The following RBFOX1 variants were observed in gnomAD, a reference collection of about 807,000 sequenced individuals.
The protein encoded by RBFOX1 is RNA binding fox-1 homolog 1.
Under a neutral mutation model 57.7 loss-of-function variants are expected in RBFOX1, and 8 were observed. The observed-to-expected ratio is 0.14, with a 90% CI of 0.08 to 0.25. RBFOX1 has a LOEUF of 0.25. Ranked by LOEUF, RBFOX1 falls within the 10% of genes least tolerant of loss-of-function variation. The pLI is 1.00. For missense variants in RBFOX1, 611 were observed against 548.5 expected (o/e 1.11, Z -1.14); for synonymous variants, 326 against 222.4 (o/e 1.47, Z -4.15).
chr16:7,076,768 T>A (rs1192072623), intron 4 of RBFOX1, among the ~76,000 whole-genome samples: 4 of 152,202 alleles, frequency 2.6e-5, no homozygotes, highest in African/African-American at 9.7e-5. Flanking sequence ...ATGACCAGTT[T>A]AAACTTCCAT....
intron 4 of RBFOX1, among the ~76,000 whole-genome samples, chr16:7,151,016 C>G (rs936013096): frequency 1.3e-5 from 2 of 152,192 alleles, no homozygotes; most frequent in African/African-American, 4.8e-5. Context: ...CAGATACGCT[C>G]CTTTCCAAAA....
chr16:5,289,022 G>T (rs780295425), intron 1 of RBFOX1, among the ~76,000 whole-genome samples: 12 of 152,334 alleles, frequency 7.9e-5, no homozygotes, highest in African/African-American at 2.6e-4. Context: ...CTACTCGGGA[G>T]GCTGAGGCAG....
chr16:7,346,338 G>T (rs1180587062), intron 4 of RBFOX1, among the ~76,000 whole-genome samples: 1 of 151,896 alleles, frequency 6.6e-6, no homozygotes, highest in Non-Finnish European at 1.5e-5. Context: ...TGGCAGAGGA[G>T]CATTCTACCC....
In RBFOX1 at chr16:7,052,088, A is replaced by C; in HGVS notation, c.17A>C (p.Glu6Ala). MNCER[E>A]QLRGNQEAAA... ...AGACAACAGATGAATTGTGAAAGAG[A>C]GCAGCTAAGGGTAGGTGCACCTGCT... The change falls in exon 4 of 16, where the codon GAG becomes GCG. Residue 6 changes from glutamate to alanine, a missense_variant. Glu to Ala is a moderately radical substitution (Grantham distance 107). Around this residue, in one of 3 missense-constraint regions of RBFOX1, gnomAD observed 245 missense variants for 159.1 expected, o/e 1.54. Transcript: ENST00000550418. 6.2e-7 allele frequency: 1 copy of C among 1,611,296 alleles called. No homozygotes were observed.
chr16:6,427,927 AG>A (rs1161459885), intron 2 of RBFOX1, among the ~76,000 whole-genome samples: 14 of 152,184 alleles, frequency 9.2e-5, no homozygotes, highest in Admixed American at 7.2e-4. Context: ...TGGAATAATA[AG>A]GATAATTTAT....
intron 2 of RBFOX1, among the ~76,000 whole-genome samples, chr16:6,554,015 A>C (rs1567660071): frequency 2.0e-5 from 3 of 151,210 alleles, no homozygotes; most frequent in Non-Finnish European, 4.4e-5. Context: ...TTAGGGATGA[A>C]TAAATGTGTT....
chr16:7,252,475 C>T (rs748276383), intron 4 of RBFOX1, among the ~76,000 whole-genome samples: 1 of 152,182 alleles, frequency 6.6e-6, no homozygotes, highest in Non-Finnish European at 1.5e-5. Flanking sequence ...TCATCGTCAG[C>T]ACTGAAGTAT....
intron 4 of RBFOX1, among the ~76,000 whole-genome samples, chr16:7,346,124 A>G (rs867186319): frequency 1.3e-5 from 2 of 152,152 alleles, no homozygotes; most frequent in African/African-American, 4.8e-5. Flanking sequence ...GATGGTTTCT[A>G]GCTTCATCCG....
intron 1 of RBFOX1, among the ~76,000 whole-genome samples, chr16:6,065,999 C>A (rs2095756216): frequency 6.6e-6 from 1 of 152,144 alleles, no homozygotes; most frequent in Non-Finnish European, 1.5e-5. Context: ...GACTTCAACA[C>A]TTTAATGGTA....
chr16:5,938,278 C>T (rs1351007934), intron 4 of RBFOX1, among the ~76,000 whole-genome samples: 1 of 152,166 alleles, frequency 6.6e-6, no homozygotes, highest in Non-Finnish European at 1.5e-5. Flanking sequence ...CTAACTGTCC[C>T]ATGACCTGAG....
intron 2 of RBFOX1, among the ~76,000 whole-genome samples, chr16:6,493,575 G>A (rs759819245): frequency 1.1e-4 from 17 of 152,090 alleles, no homozygotes; most frequent in African/African-American, 3.4e-4. Context: ...ATTTTGTGCC[G>A]AATTTCCCAC....
intron 1 of RBFOX1, among the ~76,000 whole-genome samples, chr16:6,223,163 G>A (rs1382923535): frequency 1.3e-5 from 2 of 150,678 alleles, no homozygotes; most frequent in Admixed American, 6.7e-5. Context: ...ATAAACATAC[G>A]TGTGCATGTG....
intron 3 of RBFOX1, among the ~76,000 whole-genome samples, chr16:6,979,080 C>T (rs2087907909): frequency 6.6e-6 from 1 of 152,136 alleles, no homozygotes; most frequent in Non-Finnish European, 1.5e-5. Context: ...TATAAAATAG[C>T]ACCAATATGT....
intron 5 of RBFOX1, among the ~76,000 whole-genome samples, chr16:7,571,921 GA>G (rs1260807231): frequency 2.0e-5 from 3 of 152,186 alleles, no homozygotes; most frequent in African/African-American, 7.2e-5. Flanking sequence ...CTGAGGTCAG[GA>G]GTTTGAGACC....
chr16:6,029,605 C>G (rs1022457304), intron 1 of RBFOX1, among the ~76,000 whole-genome samples: 4 of 151,174 alleles, frequency 2.6e-5, no homozygotes, highest in African/African-American at 9.7e-5. Context: ...AACCCCGTCT[C>G]TACTAAAAAT....
intron 3 of RBFOX1, among the ~76,000 whole-genome samples, chr16:5,642,913 C>T (rs955305938): frequency 3.9e-5 from 6 of 152,166 alleles, no homozygotes; most frequent in African/African-American, 9.7e-5. Context: ...TTGCCTTTCT[C>T]ACCTGTCAAT....
At chr16:7,174,595 A>T (rs1011966020) in intron 4 of RBFOX1, among the ~76,000 whole-genome samples, 1 of 152,182 alleles carries the variant, frequency 6.6e-6, no homozygotes, top group Admixed American at 6.5e-5. Context: ...AACCTGGTGT[A>T]GGTGGTGAAA....
intron 3 of RBFOX1, among the ~76,000 whole-genome samples, chr16:5,673,621 C>T (rs998246624): frequency 1.3e-5 from 2 of 152,216 alleles, no homozygotes; most frequent in African/African-American, 4.8e-5. Context: ...CAGTGAAGTT[C>T]ATGTCTATCT....
chr16:7,658,961 G>A (rs540033103), intron 12 of RBFOX1, among the ~76,000 whole-genome samples: 142 of 152,244 alleles, frequency 9.3e-4, no homozygotes, highest in African/African-American at 3.4e-3. Context: ...CTGACCTCAA[G>A]TGATCTGCCC....
Sources: allele counts gnomAD v4.1 joint callset (sites outside exome capture counted in the v4.1 genomes callset), GRCh38; gene constraint gnomAD v4.1.1; regional missense constraint gnomAD v4.1.1; transcripts MANE v1.5; gene names NCBI Gene and HGNC (gene_info 2026-07-23, HGNC 2026-07-21).